TBL1XR1: variants seen among roughly 807,000 people sequenced by gnomAD.
The protein encoded by TBL1XR1 is F-box-like/WD repeat-containing protein TBL1XR1.
A neutral mutation model predicts 66.9 loss-of-function variants in TBL1XR1; 5 were observed. The observed-to-expected ratio is 0.07, with a 90% CI of 0.04 to 0.16. The LOEUF is 0.16. TBL1XR1 is among the 10% of genes least tolerant of loss of function. The probability of loss-of-function intolerance (pLI) is 1.00; values close to 1 mark genes in which losing one functional copy is unlikely to be tolerated. For missense variants in TBL1XR1, 238 were observed against 623.2 expected (o/e 0.38, Z 6.58); for synonymous variants, 210 against 206.0 (o/e 1.02, Z -0.17).
intron 3 of TBL1XR1, among the ~76,000 whole-genome samples, chr3:177,058,629 A>C (rs892113061): frequency 3.9e-5 from 6 of 152,168 alleles, no homozygotes; most frequent in Non-Finnish European, 5.9e-5. Flanking sequence ...TTTTCTCCTT[A>C]GGATGGATTC....
At chr3:177,120,363 G>C (rs1726843425) in intron 1 of TBL1XR1, among the ~76,000 whole-genome samples, 1 of 152,054 alleles carries the variant, frequency 6.6e-6, no homozygotes, top group African/African-American at 2.4e-5. Flanking sequence ...TCATTTTATA[G>C]TGTTAGAGAA....
At chr3:177,160,198 C>T (rs1732013096) in intron 1 of TBL1XR1, among the ~76,000 whole-genome samples, 1 of 151,996 alleles carries the variant, frequency 6.6e-6, no homozygotes, top group South Asian at 2.1e-4. Context: ...TCTGGTAGGG[C>T]GCAGTGGCTC....
chr3:177,197,501 G>A (rs1422767530), upstream of TBL1XR1: 1 of 148,572 alleles, frequency 6.7e-6, no homozygotes, highest in Non-Finnish European at 1.5e-5. Flanking sequence ...CAACGGCTCA[G>A]ACACTCAACA....
At chr3:177,034,105 A>C in intron 13 of TBL1XR1, 93 bp downstream of exon 13, 10 of 1,349,438 alleles carry the variant, frequency 7.4e-6, no homozygotes, top group Admixed American at 2.5e-5. Context: ...AAAAGTTTCC[A>C]CTTCATGAAA....
chr3:177,055,955 A>G (rs1447810570), intron 3 of TBL1XR1, among the ~76,000 whole-genome samples: 1 of 152,218 alleles, frequency 6.6e-6, no homozygotes. Flanking sequence ...TAAATGAGAA[A>G]GTACAGATTC....
chr3:177,044,414 T>C (rs773334839), intron 10 of TBL1XR1, among the ~76,000 whole-genome samples: 20 of 152,212 alleles, frequency 1.3e-4, no homozygotes, highest in Middle Eastern at 3.4e-3. Context: ...ATTTTGTATA[T>C]TGCAGGAATT....
intron 2 of TBL1XR1, chr3:177,079,515 A>AG (rs1721136743): frequency 1.3e-5 from 2 of 151,858 alleles, no homozygotes; most frequent in Admixed American, 1.3e-4. Context: ...AATTTTTTTA[A>AG]TCTAAATGTA....
intron 2 of TBL1XR1, among the ~76,000 whole-genome samples, chr3:177,089,251 C>A (rs1355908649): frequency 6.6e-6 from 1 of 152,082 alleles, no homozygotes; most frequent in Non-Finnish European, 1.5e-5. Context: ...CCAGCAGGGC[C>A]CAGCCCACAT....
chr3:177,104,888 T>G (rs1201289), intron 1 of TBL1XR1, among the ~76,000 whole-genome samples: 63,863 of 152,030 alleles, frequency 0.42, 13,917 homozygotes, highest in South Asian at 0.57. Context: ...TTCTAAATTT[T>G]TCTGTCACAG....
At chr3:177,172,367 T>A (rs7653292) in intron 1 of TBL1XR1, among the ~76,000 whole-genome samples, 75,120 of 150,624 alleles carry the variant, frequency 0.5, 19,452 homozygotes, top group Non-Finnish European at 0.57. Context: ...TAAGTAAATA[T>A]ACAGGAGAAA....
chr3:177,093,524 A>G (rs965100842), intron 2 of TBL1XR1, among the ~76,000 whole-genome samples: 2 of 152,192 alleles, frequency 1.3e-5, no homozygotes, highest in African/African-American at 4.8e-5. Flanking sequence ...AAGCAAGACT[A>G]AGCCAAAAGA....
At chr3:177,040,563 T>G (rs1203647054) in intron 10 of TBL1XR1, among the ~76,000 whole-genome samples, 1 of 151,574 alleles carries the variant, frequency 6.6e-6, no homozygotes, top group African/African-American at 2.4e-5. Flanking sequence ...ATAGGAGAAG[T>G]AAAAAGAATG....
intron 4 of TBL1XR1, 128 bp from the exon 5 acceptor site, chr3:177,051,854 T>C (rs1717132021): frequency 8.3e-7 from 1 of 1,200,946 alleles, no homozygotes; most frequent in Non-Finnish European, 1.1e-6. Context: ...ACTTTCTGAA[T>C]TCATATAAGA....
intron 1 of TBL1XR1, among the ~76,000 whole-genome samples, chr3:177,140,750 T>TAA (rs1729537025): frequency 6.6e-6 from 1 of 152,206 alleles, no homozygotes; most frequent in African/African-American, 2.4e-5. Context: ...TAAATATAAG[T>TAA]AAATAATAGT....
chr3:177,059,851 G>A (rs956729280), intron 3 of TBL1XR1, among the ~76,000 whole-genome samples: 5 of 152,176 alleles, frequency 3.3e-5, no homozygotes, highest in African/African-American at 1.2e-4. Context: ...CGCCTAATCA[G>A]CTGCCAGCAC....
At chr3:177,056,973 G>C (rs898066819) in intron 3 of TBL1XR1, among the ~76,000 whole-genome samples, 3 of 152,084 alleles carry the variant, frequency 2.0e-5, no homozygotes, top group African/African-American at 7.2e-5. Flanking sequence ...ACAAAAAACT[G>C]AACATATCAC....
At chr3:177,126,555 GC>G (rs1056637310) in intron 1 of TBL1XR1, among the ~76,000 whole-genome samples, 3 of 152,200 alleles carry the variant, frequency 2.0e-5, no homozygotes, top group Admixed American at 2.0e-4. Context: ...GATTCCTCCA[GC>G]TAGAAATAAC....
At chr3:177,103,181 G>T (rs767760159) in intron 1 of TBL1XR1, among the ~76,000 whole-genome samples, 1 of 152,120 alleles carries the variant, frequency 6.6e-6, no homozygotes. Flanking sequence ...AGAGAACCTG[G>T]TTATATACCA....
chr3:177,067,510 G>A (rs1403922474), intron 2 of TBL1XR1, among the ~76,000 whole-genome samples: 1 of 151,564 alleles, frequency 6.6e-6, no homozygotes, highest in African/African-American at 2.4e-5. Context: ...TGCATTCCAG[G>A]GCAAAGAAAA....
Sources: gnomAD v4.1 joint callset for allele counts (sites outside exome capture counted in the v4.1 genomes callset) on GRCh38, gnomAD v4.1.1 for gene constraint, MANE v1.5 for transcripts, NCBI Gene and HGNC (gene_info 2026-07-23, HGNC 2026-07-21) for gene names.